Variants in ASCC3 observed in about 807,000 individuals in gnomAD.
ASCC3 encodes the protein activating signal cointegrator 1 complex subunit 3.
ASCC3 carries 158 observed loss-of-function variants against 256.3 expected under a neutral mutation model. The ratio of observed to expected loss-of-function variants is 0.62; its 90% CI spans 0.54 to 0.70. The LOEUF (loss-of-function observed/expected upper bound fraction) is 0.70, where lower values mean the gene tolerates loss of function less well. Ranked by LOEUF, ASCC3 falls within the 30% of genes least tolerant of loss-of-function variation. ASCC3 has a pLI of 0.00. For synonymous variants in ASCC3, 948 were observed against 883.4 expected, an observed-to-expected ratio of 1.07 and a Z score of -1.30; for missense variants, 2,259 against 2,626.0, an observed-to-expected ratio of 0.86 and a Z score of 3.05.
At chr6:100,580,954 G>A (rs960185123) in intron 36 of ASCC3, among the ~76,000 whole-genome samples, 1 of 151,968 alleles carries the variant, frequency 6.6e-6, no homozygotes, top group Non-Finnish European at 1.5e-5. Context: ...GTGTATATGT[G>A]CCACATTTTC....
chr6:100,748,781 C>T (rs1181809294), intron 10 of ASCC3, among the ~76,000 whole-genome samples: 1 of 151,952 alleles, frequency 6.6e-6, no homozygotes, highest in Non-Finnish European at 1.5e-5. Flanking sequence ...GATTAGTCTG[C>T]ATTCAGTTGT....
At chr6:100,809,890 T>C (rs1164582280) in intron 4 of ASCC3, among the ~76,000 whole-genome samples, 1 of 152,076 alleles carries the variant, frequency 6.6e-6, no homozygotes, top group Non-Finnish European at 1.5e-5. Context: ...ACAACTTCCT[T>C]GAGAGTTAGT....
intron 3 of ASCC3, among the ~76,000 whole-genome samples, chr6:100,852,044 G>C (rs1376402861): frequency 1.3e-5 from 2 of 152,210 alleles, no homozygotes; most frequent in African/African-American, 4.8e-5. Flanking sequence ...TTAGCACGCT[G>C]CCCAGATGAG....
chr6:100,754,474 A>T (rs1781082560), intron 10 of ASCC3, among the ~76,000 whole-genome samples: 1 of 152,184 alleles, frequency 6.6e-6, no homozygotes, highest in African/African-American at 2.4e-5. Context: ...CAAACAATCC[A>T]ATTATACTTT....
At chr6:100,581,554 G>GT (rs1472002078) in intron 36 of ASCC3, among the ~76,000 whole-genome samples, 1 of 150,802 alleles carries the variant, frequency 6.6e-6, no homozygotes, top group Non-Finnish European at 1.5e-5. Context: ...TCTGATGGTA[G>GT]TTTCTTTTGC....
At chr6:100,868,605 GTTTA>G (rs929115475) in intron 1 of ASCC3, among the ~76,000 whole-genome samples, 1 of 152,134 alleles carries the variant, frequency 6.6e-6, no homozygotes, top group Non-Finnish European at 1.5e-5. Flanking sequence ...ACACTTTCTT[GTTTA>G]TTTACTAACG....
At chr6:100,574,808 A>G (rs1430722462) in intron 36 of ASCC3, among the ~76,000 whole-genome samples, 1 of 152,122 alleles carries the variant, frequency 6.6e-6, no homozygotes. Flanking sequence ...CACAATAGAT[A>G]TATTTGAGAT....
rs1177392636 is a variant in ASCC3, at chr6:100,868,022, C to A, written c.-25G>T. ...TCTATTATTCAATCAGTGATCCATA[C>A]AGCAAGAAACCTGAAACTGAAACAA... is the stretch of plus-strand genomic sequence containing the variant. On this transcript the variant is annotated 5_prime_UTR_variant, in exon 2 of 42. Transcript: ENST00000369162. 1 of 1,546,100 alleles carries A rather than the reference C, an allele frequency of 6.5e-7. No homozygotes were observed.
chr6:100,655,599 T>C, intron 17 of ASCC3, 100 bp downstream of exon 17: 2 of 1,399,906 alleles, frequency 1.4e-6, no homozygotes, highest in Admixed American at 3.7e-5. Flanking sequence ...AGGTACCTCT[T>C]TTCAGATGAG....
chr6:100,786,255 T>G (rs1356424439), intron 8 of ASCC3, among the ~76,000 whole-genome samples: 1 of 152,280 alleles, frequency 6.6e-6, no homozygotes, highest in East Asian at 1.9e-4. Flanking sequence ...GCTATGTCAA[T>G]AGTTACATTC....
chr6:100,869,999 A>G (rs770470853), intron 1 of ASCC3, among the ~76,000 whole-genome samples: 2 of 152,186 alleles, frequency 1.3e-5, no homozygotes, highest in African/African-American at 4.8e-5. Flanking sequence ...GATAGTCTCA[A>G]AATAAAACAA....
rs562421602 is a variant in ASCC3, at chr6:100,655,308, G to A, written c.2823+391C>T. On this transcript the variant is annotated intron_variant, in intron 17 of 41. Transcript: ENST00000369162. ...TTAAATTTCAGAATAGGGATTAGAAGAGACTTGATAAGAGGAACAGATTGT... is the reference window on the plus strand; with the variant it reads ...TTAAATTTCAGAATAGGGATTAGAAAAGACTTGATAAGAGGAACAGATTGT... Among the ~76,000 whole-genome samples the A allele has an allele frequency of 2.3e-4, 35 of 151,944 alleles. 1 individual carries two copies. The highest frequency in any genetic ancestry group is 1.0e-3 in the South Asian group (5 of 4,824).
rs2114662811 is a variant in ASCC3, at chr6:100,540,192, C to T, written c.5746G>A (p.Val1916Ile). The change falls in exon 37 of 42, where the codon GTC (valine) becomes ATC (isoleucine). Residue 1916 changes from valine to isoleucine, a missense_variant. Val to Ile is a conservative substitution (Grantham distance 29). Around this residue, in one of 2 missense-constraint regions of ASCC3, gnomAD observed 1,839 missense variants for 2,206.7 expected, o/e 0.83. Coordinates refer to ENST00000369162, the MANE Select transcript of ASCC3 (RefSeq NM_006828.4). ...CATACTCTGAGAGCTTGGTCCAAGA[C>T]TGTTTTGGTATCAGTGTCATAATCT... Reference protein sequence around the residue: ...CPDYDTDTKTVLDQALRVCQA... With the variant: ...CPDYDTDTKTILDQALRVCQA... The T allele has an allele frequency of 1.2e-6, 2 of 1,614,048 alleles. No homozygotes were observed. The highest frequency in any genetic ancestry group is 4.5e-5 in the East Asian group (2 of 44,884).
intron 10 of ASCC3, among the ~76,000 whole-genome samples, chr6:100,736,278 G>C (rs530219224): frequency 1.3e-5 from 2 of 152,222 alleles, no homozygotes; most frequent in African/African-American, 4.8e-5. Flanking sequence ...GCCGAGGCAG[G>C]CAGATCACGA....
intron 8 of ASCC3, among the ~76,000 whole-genome samples, chr6:100,773,011 C>T (rs1406077859): frequency 6.6e-6 from 1 of 151,994 alleles, no homozygotes; most frequent in Non-Finnish European, 1.5e-5. Context: ...CACAGGAGTC[C>T]TTTACATAAA....
chr6:100,617,461 A>G (rs1773726119), intron 30 of ASCC3, among the ~76,000 whole-genome samples: 1 of 152,176 alleles, frequency 6.6e-6, no homozygotes. Context: ...GTGGAAGCTG[A>G]CAGATCATAC....
intron 13 of ASCC3, among the ~76,000 whole-genome samples, chr6:100,709,946 T>G (rs1778787779): frequency 3.9e-5 from 6 of 152,140 alleles, no homozygotes; most frequent in Non-Finnish European, 8.8e-5. Flanking sequence ...CTACAAAACC[T>G]GAAGTCCCAC....
chr6:100,772,838 ATACT>A (rs1228443314), intron 8 of ASCC3, among the ~76,000 whole-genome samples: 2 of 152,240 alleles, frequency 1.3e-5, no homozygotes, highest in Non-Finnish European at 2.9e-5. Flanking sequence ...CTGCAAGGTA[ATACT>A]GCAAGTATGA....
At chr6:100,640,239 A>C (rs929842217) in intron 24 of ASCC3, among the ~76,000 whole-genome samples, 22 of 152,108 alleles carry the variant, frequency 1.4e-4, no homozygotes, top group African/African-American at 5.3e-4. Flanking sequence ...TAAATAAATA[A>C]ATAAACTGCA....
Sources: gnomAD v4.1 joint callset for allele counts (sites outside exome capture counted in the v4.1 genomes callset) on GRCh38, gnomAD v4.1.1 for gene constraint, gnomAD v4.1.1 regional missense constraint, MANE v1.5 for transcripts, NCBI Gene and HGNC (gene_info 2026-07-23, HGNC 2026-07-21) for gene names.